The following PRDM11 variants were observed in gnomAD, a reference collection of about 807,000 sequenced individuals.
PRDM11 encodes PR domain-containing protein 11.
PRDM11 carries 20 observed loss-of-function variants against 97.8 expected under a neutral mutation model. The observed-to-expected ratio is 0.20, with a 90% CI of 0.14 to 0.30. The LOEUF is 0.30. Ranked by LOEUF, PRDM11 falls within the 10% of genes least tolerant of loss-of-function variation. The pLI is 1.00. For synonymous variants in PRDM11, 599 were observed against 637.7 expected (o/e 0.94, Z 0.91); for missense variants, 1,139 against 1,555.2 (o/e 0.73, Z 4.50).
intron 1 of PRDM11, among the ~76,000 whole-genome samples, chr11:45,153,302 C>T (rs1851706129): frequency 6.6e-6 from 1 of 152,260 alleles, no homozygotes; most frequent in African/African-American, 2.4e-5. Flanking sequence ...CACACTGTTC[C>T]CTGGAGAGGG....
At chr11:45,213,182 G>A (rs1232994064) in intron 5 of PRDM11, 9 of 456,526 alleles carry the variant, frequency 2.0e-5, no homozygotes, top group East Asian at 6.9e-5. Flanking sequence ...CTCACCGAGC[G>A]CAGGTCGCTG....
intron 1 of PRDM11, among the ~76,000 whole-genome samples, chr11:45,136,627 T>C (rs1357775826): frequency 2.0e-5 from 3 of 152,138 alleles, no homozygotes; most frequent in Non-Finnish European, 2.9e-5. Flanking sequence ...CCAGGTCCCT[T>C]AGAAGGCCGA....
chr11:45,165,208 C>G (rs577317790), intron 1 of PRDM11, among the ~76,000 whole-genome samples: 1 of 152,274 alleles, frequency 6.6e-6, no homozygotes, highest in South Asian at 2.1e-4. Flanking sequence ...CAGGGCTGCC[C>G]TTGTTCCTGC....
At position 45,229,229 on chromosome 11, in the gene PRDM11, A is replaced by T. The variant is rs1226112702; in HGVS notation, c.*1070A>T. The stretch of plus-strand genomic sequence containing the variant: ...CTTTAATAATCAAGAAATGCCTGCT[A>T]TAGTTCAGTGGCAGGTAGTGTCAAT... On this transcript the variant is annotated 3_prime_UTR_variant, in exon 8 of 8. Transcript: ENST00000683152. 1 of 152,192 alleles carries T rather than the reference A, an allele frequency of 6.6e-6. No homozygotes were observed. Among genetic ancestry groups the T allele is most frequent in the African/African-American group, 2.4e-5 (1 of 41,436 alleles). The allele number at this position is 152,192 out of a possible 1,614,324, so 9.4% of individuals were successfully genotyped here.
chr11:45,208,874 G>A, intron 5 of PRDM11: 1 of 439,782 alleles, frequency 2.3e-6, no homozygotes, highest in Non-Finnish European at 4.6e-6. Flanking sequence ...TCAACCCAAG[G>A]AATGTGGCAC....
chr11:45,108,479 G>A (rs902935753), intron 1 of PRDM11, among the ~76,000 whole-genome samples: 3 of 152,210 alleles, frequency 2.0e-5, no homozygotes, highest in Non-Finnish European at 4.4e-5. Flanking sequence ...GTGAAAAGCT[G>A]GAAGCAGCAG....
chr11:45,159,704 C>T (rs2135701015), intron 1 of PRDM11, among the ~76,000 whole-genome samples: 1 of 152,274 alleles, frequency 6.6e-6, no homozygotes, highest in East Asian at 1.9e-4. Flanking sequence ...GGCTTATGGG[C>T]CTGCCTGGGC....
At chr11:45,197,575 G>A (rs543403661) in intron 4 of PRDM11, among the ~76,000 whole-genome samples, 5 of 152,222 alleles carry the variant, frequency 3.3e-5, no homozygotes, top group South Asian at 2.1e-4. Context: ...AGTTTGTGGC[G>A]ACGGTTTGAC....
intron 1 of PRDM11, among the ~76,000 whole-genome samples, chr11:45,123,559 A>C (rs986556795): frequency 6.6e-6 from 1 of 152,162 alleles, no homozygotes; most frequent in Admixed American, 6.5e-5. Context: ...AGCTTTCTAC[A>C]TATGGCTAGC....
chr11:45,214,959 C>T (rs1000849242), intron 5 of PRDM11, among the ~76,000 whole-genome samples: 4 of 152,212 alleles, frequency 2.6e-5, no homozygotes, highest in African/African-American at 4.8e-5. Context: ...CATGCATGCA[C>T]GAAACCACTC....
intron 1 of PRDM11, among the ~76,000 whole-genome samples, chr11:45,180,921 C>T (rs1455100907): frequency 6.6e-6 from 1 of 152,092 alleles, no homozygotes; most frequent in African/African-American, 2.4e-5. Flanking sequence ...CCGCACCCCT[C>T]CCAGTCGCCG....
chr11:45,097,768 GGGCCACA>G (rs1851908779), intron 1 of PRDM11, among the ~76,000 whole-genome samples: 2 of 152,178 alleles, frequency 1.3e-5, no homozygotes. Flanking sequence ...TTGGCAACTG[GGGCCACA>G]GGCTGTGTTC....
chr11:45,169,656 A>G (rs1852153753), intron 1 of PRDM11, among the ~76,000 whole-genome samples: 1 of 152,194 alleles, frequency 6.6e-6, no homozygotes, highest in Non-Finnish European at 1.5e-5. Flanking sequence ...TTAGCTTTCC[A>G]ATAATAGAAC....
chr11:45,187,076 G>A (rs1039258557), intron 4 of PRDM11, among the ~76,000 whole-genome samples: 3 of 152,240 alleles, frequency 2.0e-5, no homozygotes, highest in African/African-American at 7.2e-5. Context: ...GAGGTTTGCT[G>A]TCTGTTCTTA....
Position 45,226,080 on chromosome 11 carries a change from TATG to T in PRDM11, c.1460_1462del (p.Met487del), listed in dbSNP as rs1461227508. The T allele has an allele frequency of 4.8e-5, 74 of 1,530,830 alleles. No individual in the cohort carries two copies. The highest frequency in any genetic ancestry group is 6.3e-5 in the Non-Finnish European group (72 of 1,144,192). The allele number at this position is 1,530,830 out of a possible 1,614,324, so 94.8% of individuals were successfully genotyped here. On this transcript the variant is annotated inframe_deletion, in exon 8 of 8. Coordinates refer to ENST00000683152, the MANE Select transcript of PRDM11 (RefSeq NM_001384648.1). ...CAGCAGATGAATCTGTCTCCAATGA[TATG>T]ATGACAGCGACGGATGAGCCCTCCA...
intron 1 of PRDM11, among the ~76,000 whole-genome samples, chr11:45,104,676 G>C (rs116888539): frequency 6.6e-6 from 1 of 152,182 alleles, no homozygotes; most frequent in Non-Finnish European, 1.5e-5. Context: ...AAGGTTTTGG[G>C]GGGAGGTGGC....
intron 1 of PRDM11, among the ~76,000 whole-genome samples, chr11:45,133,407 T>A (rs1852763508): frequency 6.6e-6 from 1 of 152,240 alleles, no homozygotes; most frequent in African/African-American, 2.4e-5. Context: ...CTCTCTTGGT[T>A]CCCAAGATGA....
chr11:45,097,551 G>A (rs60504236), intron 1 of PRDM11, among the ~76,000 whole-genome samples: 332 of 152,278 alleles, frequency 2.2e-3, no homozygotes, highest in African/African-American at 7.8e-3. Context: ...AGGGGTAATG[G>A]GATTCAAACT....
chr11:45,202,700 G>C (rs1375548054), intron 4 of PRDM11, among the ~76,000 whole-genome samples: 1 of 152,166 alleles, frequency 6.6e-6, no homozygotes. Context: ...GTTGGAGGCA[G>C]AGAGGGTCTT....
Sources: allele counts gnomAD v4.1 joint callset (sites outside exome capture counted in the v4.1 genomes callset), GRCh38; gene constraint gnomAD v4.1.1; transcripts MANE v1.5; gene names NCBI Gene and HGNC (gene_info 2026-07-23, HGNC 2026-07-21).